Variants in NIPSNAP2 observed in about 807,000 individuals in gnomAD.
NIPSNAP2 encodes nipsnap homolog 2.
A neutral mutation model predicts 48.4 loss-of-function variants in NIPSNAP2; 42 were observed. The ratio of observed to expected loss-of-function variants is 0.87; its 90% CI spans 0.68 to 1.12. The LOEUF (loss-of-function observed/expected upper bound fraction) is 1.12, where lower values mean the gene tolerates loss of function less well. Ranked by LOEUF, NIPSNAP2 falls within the 50% of genes most tolerant of loss-of-function variation. The pLI is 0.00. For synonymous variants in NIPSNAP2, 158 were observed against 126.6 expected (o/e 1.25, Z -1.67); for missense variants, 314 against 347.3 (o/e 0.90, Z 0.76).
chr7:55,979,237 T>C (rs1787163288), intron 3 of NIPSNAP2: 1 of 152,502 alleles, frequency 6.6e-6, no homozygotes, highest in Admixed American at 6.5e-5. Flanking sequence ...TATTAAAAAA[T>C]GCCCTTAAAA....
intron 8 of NIPSNAP2, among the ~76,000 whole-genome samples, 168 bp from the exon 9 acceptor site, chr7:55,997,198 G>A (rs1787579230): frequency 6.6e-6 from 1 of 151,074 alleles, no homozygotes; most frequent in Non-Finnish European, 1.5e-5. Flanking sequence ...CTTTTCCCAC[G>A]TGGCCTAATA....
chr7:55,969,330 T>C (rs1327568752), intron 1 of NIPSNAP2, among the ~76,000 whole-genome samples: 1 of 151,824 alleles, frequency 6.6e-6, no homozygotes, highest in Non-Finnish European at 1.5e-5. Context: ...TCTGTCAACC[T>C]CTTCTCTCCC....
chr7:55,998,492 T>A (rs1377310195), intron 9 of NIPSNAP2, among the ~76,000 whole-genome samples: 4 of 127,412 alleles, frequency 3.1e-5, no homozygotes, highest in Non-Finnish European at 6.8e-5. Flanking sequence ...AGGTAGGATC[T>A]GTTTTTTTTT....
intron 3 of NIPSNAP2, chr7:55,980,087 C>T (rs550862436): frequency 2.9e-4 from 63 of 213,618 alleles, no homozygotes; most frequent in Non-Finnish European, 5.1e-4. Context: ...TCATGTCATG[C>T]GACGAAAAGG....
intron 7 of NIPSNAP2, among the ~76,000 whole-genome samples, chr7:55,991,544 C>G (rs998517029): frequency 6.6e-5 from 10 of 151,776 alleles, no homozygotes; most frequent in African/African-American, 2.2e-4. Flanking sequence ...GTCAGAAGTT[C>G]GAGACCAGCC....
chr7:55,993,722 A>AGAG (rs1787496775), intron 7 of NIPSNAP2, among the ~76,000 whole-genome samples: 1 of 152,128 alleles, frequency 6.6e-6, no homozygotes, highest in East Asian at 1.9e-4. Flanking sequence ...CCTGGGAGAC[A>AGAG]GAGGAAGACT....
intron 3 of NIPSNAP2, chr7:55,979,493 G>T: frequency 3.7e-6 from 1 of 273,636 alleles, no homozygotes; most frequent in Non-Finnish European, 7.3e-6. Context: ...CCGTTCCTTA[G>T]TTCTCTGTGG....
chr7:55,999,015 T>G lies in NIPSNAP2; in HGVS notation c.804T>G (p.Leu268=). ...CCCTGATCTTGTTTTCAGTTCCACTTATTCAGGAAATGGAATCCAGAATCA... is the reference window on the plus strand; with the variant it reads ...CCCTGATCTTGTTTTCAGTTCCACTGATTCAGGAAATGGAATCCAGAATCA... ...WEELVYYTVP[L]IQEMESRIMI... The change falls in exon 10 of 10, where the codon CTT becomes CTG. Residue 268 remains leucine, a synonymous_variant. Coordinates refer to ENST00000322090, the MANE Select transcript of NIPSNAP2 (RefSeq NM_001483.3). 6.2e-7 allele frequency: 1 copy of G among 1,613,996 alleles called. No individual in the cohort carries two copies.
At chr7:55,965,435 A>C (rs894943991) in intron 1 of NIPSNAP2, among the ~76,000 whole-genome samples, 1 of 152,132 alleles carries the variant, frequency 6.6e-6, no homozygotes, top group African/African-American at 2.4e-5. Flanking sequence ...TTCAAACAGC[A>C]AAGCCTATCC....
intron 1 of NIPSNAP2, among the ~76,000 whole-genome samples, chr7:55,969,732 C>G (rs1420568042): frequency 6.6e-6 from 1 of 152,054 alleles, no homozygotes; most frequent in Admixed American, 6.5e-5. Context: ...GCCTGTAATC[C>G]CAGAACTTTG....
chr7:55,978,110 C>CT lies in NIPSNAP2; in HGVS notation c.93-13dup. 1 of 1,613,740 alleles carries CT rather than the reference C, an allele frequency of 6.2e-7. No homozygotes were observed. Among genetic ancestry groups the CT allele is most frequent in the Admixed American group, 1.7e-5 (1 of 59,936 alleles). ...AAAACAGTATACTGCGTGACAACAC[C>CT]TTTGTTATTCCATAGGACATGGACA... On this transcript the variant is annotated splice_polypyrimidine_tract_variant and intron_variant, in intron 1 of 9. Coordinates refer to ENST00000322090, the MANE Select transcript of NIPSNAP2 (RefSeq NM_001483.3).
intron 7 of NIPSNAP2, chr7:55,991,992 G>A (rs1277307864): frequency 6.3e-6 from 1 of 158,772 alleles, no homozygotes; most frequent in African/African-American, 2.4e-5. Flanking sequence ...TTTTTCTTCT[G>A]AATAGAGTTA....
chr7:55,970,331 C>CA (rs1184263314), intron 1 of NIPSNAP2, among the ~76,000 whole-genome samples: 2 of 142,260 alleles, frequency 1.4e-5, no homozygotes, highest in African/African-American at 2.7e-5. Context: ...TTTTTTGAAA[C>CA]GGAGTCTTGC....
intron 7 of NIPSNAP2, among the ~76,000 whole-genome samples, chr7:55,986,877 T>G (rs1270555455): frequency 6.7e-6 from 1 of 149,316 alleles, no homozygotes; most frequent in African/African-American, 2.5e-5. Flanking sequence ...CTGGGTGTGG[T>G]GGCTCACACC....
chr7:55,964,595 G>C lies in NIPSNAP2; in HGVS notation c.-15G>C. On this transcript the variant is annotated 5_prime_UTR_variant, in exon 1 of 10. Transcript: ENST00000322090. ...CGGCGGCGCCCGGGCGGTGGGAGCC[G>C]AGGCGCCGAGCAAGATGGCGGCGCG... The C allele has an allele frequency of 2.0e-6, 2 of 1,004,844 alleles. No individual in the cohort carries two copies. The highest frequency in any genetic ancestry group is 2.4e-6 in the Non-Finnish European group (2 of 842,792). The allele number at this position is 1,004,844 out of a possible 1,614,324, so 62.2% of individuals were successfully genotyped here.
At chr7:55,965,857 A>T (rs557171053) in intron 1 of NIPSNAP2, among the ~76,000 whole-genome samples, 1 of 152,300 alleles carries the variant, frequency 6.6e-6, no homozygotes, top group South Asian at 2.1e-4. Context: ...CAGGGATTAC[A>T]GTCGTGAATC....
In NIPSNAP2 at chr7:55,999,210, T is replaced by C. The variant is rs1787631145; in HGVS notation, c.*138T>C. The stretch of plus-strand genomic sequence containing the variant: ...TATAGCTTGTGAGAAACCTCTTTTC[T>C]TTAAAATTTACATAATCACAAGAAA... On this transcript the variant is annotated 3_prime_UTR_variant, in exon 10 of 10. Transcript: ENST00000322090. 4 of 683,320 alleles carry C rather than the reference T, an allele frequency of 5.9e-6. No individual in the cohort carries two copies. Among genetic ancestry groups the C allele is most frequent in the South Asian group, 1.8e-5 (1 of 54,358 alleles). 42.3% of individuals were successfully genotyped at this position (683,320 alleles called of 1,614,324 possible).
At chr7:55,978,727 AAGTTCC>A in intron 3 of NIPSNAP2, 1 of 263,122 alleles carries the variant, frequency 3.8e-6, no homozygotes, top group Non-Finnish European at 7.3e-6. Context: ...GTCCTGAAGT[AAGTTCC>A]ATCTCTGGAC....
At position 55,997,420 on chromosome 7, in the gene NIPSNAP2, A is replaced by G. The variant is rs1787584475; in HGVS notation, c.767A>G (p.His256Arg). ...EDIRNAAWHK[H>R]GWEELVYYTV... Reference sequence around the variant, plus strand: ...ATACGGAATGCAGCATGGCACAAACATGGCTGGGAGGAATTGGTATATTAC... The same window carrying G: ...ATACGGAATGCAGCATGGCACAAACGTGGCTGGGAGGAATTGGTATATTAC... The change falls in exon 9 of 10, where the codon CAT becomes CGT. Residue 256 changes from histidine to arginine, a missense_variant. By Grantham distance (29) the His-to-Arg change is conservative (BLOSUM62 0). Around this residue, in one of 2 missense-constraint regions of NIPSNAP2, gnomAD observed 116 missense variants for 161.8 expected, o/e 0.72. Transcript: ENST00000322090. The G allele has an allele frequency of 6.2e-7, 1 of 1,613,812 alleles. No individual in the cohort carries two copies. The highest frequency in any genetic ancestry group is 1.1e-5 in the South Asian group (1 of 91,076).
Sources: gnomAD v4.1 joint callset for allele counts (sites outside exome capture counted in the v4.1 genomes callset) on GRCh38, gnomAD v4.1.1 for gene constraint, gnomAD v4.1.1 regional missense constraint, MANE v1.5 for transcripts, NCBI Gene and HGNC (gene_info 2026-07-23, HGNC 2026-07-21) for gene names.